LAMA3: variants seen among roughly 807,000 people sequenced by gnomAD.
The protein encoded by LAMA3 is laminin subunit alpha-3.
Under a neutral mutation model 402.0 loss-of-function variants are expected in LAMA3, and 281 were observed. The observed-to-expected ratio is 0.70, with a 90% CI of 0.63 to 0.77. The LOEUF is 0.77. LAMA3 is among the 30% of genes least tolerant of loss of function. LAMA3 has a pLI of 0.00. For missense variants in LAMA3, 3,840 were observed against 4,215.5 expected, an observed-to-expected ratio of 0.91 and a Z score of 2.47; for synonymous variants, 1,431 against 1,558.4, an observed-to-expected ratio of 0.92 and a Z score of 1.93.
chr18:23,816,456 C>T lies in LAMA3; in HGVS notation c.2116C>T (p.Arg706Ter), dbSNP rs759225610. Residue 706 changes from arginine to a stop codon, truncating the protein, a stop_gained, in exon 18 of 75, where the codon CGA becomes TGA. Coordinates refer to ENST00000313654, the MANE Select transcript of LAMA3 (RefSeq NM_198129.4). LOFTEE classifies it high-confidence loss of function. ...CSGPSGVCQC[R>*]EHVVGKVCQR... ...TGGGCCCTCGGGAGTGTGCCAGTGC[C>T]GAGAGCATGTCGTGGGAAAGGTGTG... 7 of 1,613,962 alleles carry T rather than the reference C, an allele frequency of 4.3e-6. No homozygotes were observed. The highest frequency in any genetic ancestry group is 1.7e-5 in the Admixed American group (1 of 60,006).
intron 29 of LAMA3, among the ~76,000 whole-genome samples, chr18:23,843,686 T>C (rs1425861944): frequency 6.6e-6 from 1 of 152,158 alleles, no homozygotes; most frequent in Non-Finnish European, 1.5e-5. Context: ...TTCCAACAAC[T>C]GATGGGATAC....
chr18:23,928,551 GA>G (rs2082075072), intron 63 of LAMA3, 73 bp from the exon 64 acceptor site: 1 of 1,391,508 alleles, frequency 7.2e-7, no homozygotes. Context: ...AGTAAAGTGA[GA>G]TAGGGTAAGG....
chr18:23,825,906 CAG>C (rs2063373383), intron 21 of LAMA3, among the ~76,000 whole-genome samples: 1 of 152,168 alleles, frequency 6.6e-6, no homozygotes, highest in African/African-American at 2.4e-5. Flanking sequence ...GTCCCAAACT[CAG>C]CAAACTTACT....
At chr18:23,783,570 C>A (rs542923824) in intron 11 of LAMA3, among the ~76,000 whole-genome samples, 2 of 152,124 alleles carry the variant, frequency 1.3e-5, no homozygotes, top group Admixed American at 1.3e-4. Flanking sequence ...AGGCCAGTGC[C>A]GGGAGGATTA....
chr18:23,775,248 G>A (rs922664847), intron 9 of LAMA3, among the ~76,000 whole-genome samples: 39 of 152,306 alleles, frequency 2.6e-4, no homozygotes, highest in Middle Eastern at 3.4e-3. Context: ...AATCGTGCCC[G>A]ATAATCGTTT....
In LAMA3 at chr18:23,939,218, T is replaced by C. The variant is rs1050147630; in HGVS notation, c.8863-5T>C. ...TGATAATTGTGTTGCTCTTTTCCCA[T>C]GCAGCTGTTGCAGGACACACCAGTG... On this transcript the variant is annotated splice_polypyrimidine_tract_variant and splice_region_variant and intron_variant, in intron 67 of 74. Transcript: ENST00000313654. The C allele has an allele frequency of 7.4e-6, 12 of 1,613,820 alleles. No homozygotes were observed. Among genetic ancestry groups the C allele is most frequent in the African/African-American group, 6.7e-5 (5 of 74,930 alleles).
chr18:23,922,380 A>T (rs1238210487), intron 62 of LAMA3, among the ~76,000 whole-genome samples: 2 of 152,204 alleles, frequency 1.3e-5, no homozygotes, highest in African/African-American at 4.8e-5. Context: ...GTTGGAAGGA[A>T]CTAGAATATG....
At chr18:23,767,236 GA>G (rs1248976109) in intron 8 of LAMA3, among the ~76,000 whole-genome samples, 2 of 152,118 alleles carry the variant, frequency 1.3e-5, no homozygotes, top group Non-Finnish European at 2.9e-5. Flanking sequence ...AAAAACAAAT[GA>G]AAAGACATTC....
Position 23,713,938 on chromosome 18 carries a change from T to G in LAMA3, c.313T>G (p.Cys105Gly). 6.2e-7 allele frequency: 1 copy of G among 1,613,922 alleles called. No individual in the cohort carries two copies. ...TTTTCAGGGCCAGTTCTGTGACTAT[T>G]GCAATTCTGAAGACCCCAGGAAAGC... ...HTIQGQFCDY[C>G]NSEDPRKAHP... The change falls in exon 2 of 75, where the codon TGC (cysteine) becomes GGC (glycine). Residue 105 changes from cysteine (C) to glycine (G), a missense_variant. Cys to Gly is a radical substitution (Grantham distance 159). Coordinates refer to ENST00000313654, the MANE Select transcript of LAMA3 (RefSeq NM_198129.4).
chr18:23,911,779 T>A (rs900589155), intron 55 of LAMA3, among the ~76,000 whole-genome samples: 16 of 147,222 alleles, frequency 1.1e-4, no homozygotes, highest in African/African-American at 3.9e-4. Flanking sequence ...AGTATAAATT[T>A]AATATATGCA....
chr18:23,731,700 C>T (rs2061396988), intron 2 of LAMA3, among the ~76,000 whole-genome samples: 1 of 152,050 alleles, frequency 6.6e-6, no homozygotes, highest in South Asian at 2.1e-4. Context: ...ATTCCTTTAG[C>T]TGAGGATAAA....
intron 6 of LAMA3, among the ~76,000 whole-genome samples, chr18:23,757,667 C>T (rs146715593): frequency 6.6e-6 from 1 of 152,330 alleles, no homozygotes; most frequent in East Asian, 1.9e-4. Context: ...CTGCGCAAGA[C>T]GGAATCACAC....
chr18:23,895,117 C>T lies in LAMA3; in HGVS notation c.5613+59C>T, dbSNP rs189584929. On this transcript the variant is annotated intron_variant, in intron 44 of 74. Transcript: ENST00000313654. ...GGAGGAGATGCTGCGGGAGTGGATT[C>T]TCCATAAGCAGGAAGGGAAAGGTTG... is the stretch of plus-strand genomic sequence containing the variant. 1.6e-3 allele frequency: 2,392 copies of T among 1,534,258 alleles called. 3 individuals carry two copies. The highest frequency in any genetic ancestry group is 3.1e-3 in the Admixed American group (157 of 51,112).
rs548826494 is a variant in LAMA3 at position 23,879,282 on chromosome 18, C to T, written c.5113-2654C>T. Among the ~76,000 whole-genome samples, 37 of 152,314 alleles carry T rather than the reference C, an allele frequency of 2.4e-4. No individual in the cohort carries two copies. The highest frequency in any genetic ancestry group is 7.9e-4 in the African/African-American group (33 of 41,572). Reference sequence around the variant, plus strand: ...CCCCCTTGCACTTCTGCCTTGGGCACGCCCTTTGCTTTTCATTCCCTCCAC... The same window carrying T: ...CCCCCTTGCACTTCTGCCTTGGGCATGCCCTTTGCTTTTCATTCCCTCCAC... On this transcript the variant is annotated intron_variant, in intron 39 of 74. Transcript: ENST00000313654. The surrounding 1 kb of genome is among the most constrained non-coding windows in gnomAD (Gnocchi z 4.2).
intron 1 of LAMA3, among the ~76,000 whole-genome samples, chr18:23,709,429 T>A (rs1169480322): frequency 2.0e-5 from 3 of 152,246 alleles, no homozygotes; most frequent in Non-Finnish European, 4.4e-5. Context: ...AACAGTTTTA[T>A]TTCGTTTATT....
chr18:23,866,063 C>A (rs1467771892), intron 36 of LAMA3, among the ~76,000 whole-genome samples: 1 of 152,182 alleles, frequency 6.6e-6, no homozygotes, highest in East Asian at 1.9e-4. Flanking sequence ...AAACTCCTGA[C>A]CTCAAGTAGT....
At chr18:23,733,657 A>G (rs1598673136) in intron 2 of LAMA3, among the ~76,000 whole-genome samples, 3 of 152,330 alleles carry the variant, frequency 2.0e-5, no homozygotes, top group Admixed American at 2.0e-4. Context: ...ATTTGTCTTT[A>G]GAAGATAAAT....
intron 1 of LAMA3, among the ~76,000 whole-genome samples, chr18:23,690,613 A>G (rs1295171501): frequency 6.6e-6 from 1 of 152,078 alleles, no homozygotes; most frequent in Non-Finnish European, 1.5e-5. Flanking sequence ...CATGTTAAGC[A>G]GCATCTTGCA....
chr18:23,690,390 C>A (rs1046647555), intron 1 of LAMA3, among the ~76,000 whole-genome samples: 47 of 152,346 alleles, frequency 3.1e-4, no homozygotes, highest in African/African-American at 1.1e-3. Context: ...AAGTCGGTGG[C>A]AATTACCTTC....
Sources: allele counts gnomAD v4.1 joint callset (sites outside exome capture counted in the v4.1 genomes callset), GRCh38; gene constraint gnomAD v4.1.1; non-coding constraint Gnocchi (gnomAD v3.1); transcripts MANE v1.5; gene names NCBI Gene and HGNC (gene_info 2026-07-23, HGNC 2026-07-21).